Variants in NRG1 observed in about 807,000 individuals in gnomAD.
NRG1 encodes the protein neuregulin 1.
In NRG1, 18 loss-of-function variants were observed where a neutral mutation model predicts 63.8. The observed-to-expected ratio is 0.28, with a 90% CI of 0.19 to 0.42. The LOEUF (loss-of-function observed/expected upper bound fraction) is 0.42, where lower values mean the gene tolerates loss of function less well. Among genes scored for constraint, NRG1 ranks in the 10% least tolerant of loss-of-function variants. The probability of loss-of-function intolerance (pLI) is 1.00; values close to 1 mark genes in which losing one functional copy is unlikely to be tolerated. For missense variants in NRG1, 762 were observed against 814.7 expected, an observed-to-expected ratio of 0.94 and a Z score of 0.79; for synonymous variants, 302 against 301.3, an observed-to-expected ratio of 1.00 and a Z score of -0.02.
At chr8:31,924,374 C>T (rs1486161417) in intron 1 of NRG1, among the ~76,000 whole-genome samples, 1 of 151,750 alleles carries the variant, frequency 6.6e-6, no homozygotes, top group Admixed American at 6.6e-5. Flanking sequence ...ATTGCTTATC[C>T]ATTTTATTCA....
chr8:32,572,644 T>G (rs551346857), intron 1 of NRG1, among the ~76,000 whole-genome samples: 1 of 152,292 alleles, frequency 6.6e-6, no homozygotes, highest in South Asian at 2.1e-4. Context: ...TAGAATATTT[T>G]ATGTTACTAA....
At chr8:32,507,821 C>T (rs1828712211) in intron 1 of NRG1, among the ~76,000 whole-genome samples, 1 of 152,048 alleles carries the variant, frequency 6.6e-6, no homozygotes. Context: ...CCTCAGCCTC[C>T]CAAGTAGCTG....
At chr8:32,695,628 G>A (rs1030148290) in intron 5 of NRG1, among the ~76,000 whole-genome samples, 4 of 152,178 alleles carry the variant, frequency 2.6e-5, no homozygotes, top group East Asian at 1.9e-4. Context: ...TGTTTGACAC[G>A]CAGTGTGAAG....
At chr8:32,145,419 A>G (rs1410292067) in intron 1 of NRG1, among the ~76,000 whole-genome samples, 1 of 152,222 alleles carries the variant, frequency 6.6e-6, no homozygotes, top group African/African-American at 2.4e-5. Flanking sequence ...TATTAGCACA[A>G]TTCTAATTAA....
At chr8:32,344,325 T>TC (rs1360655808) in intron 1 of NRG1, among the ~76,000 whole-genome samples, 4 of 16,210 alleles carry the variant, frequency 2.5e-4, no homozygotes, top group East Asian at 6.0e-3. Flanking sequence ...TCCTTCTTTC[T>TC]CTTTCTTTCT....
At chr8:32,217,536 G>C (rs1282816962) in intron 1 of NRG1, among the ~76,000 whole-genome samples, 1 of 152,044 alleles carries the variant, frequency 6.6e-6, no homozygotes, top group Non-Finnish European at 1.5e-5. Context: ...GAAAAAACTG[G>C]ATATTGCAAT....
chr8:31,948,460 C>A (rs956035049), intron 1 of NRG1, among the ~76,000 whole-genome samples: 1 of 152,150 alleles, frequency 6.6e-6, no homozygotes, highest in South Asian at 2.1e-4. Flanking sequence ...ATTTACAGCA[C>A]CTGCTACAGC....
chr8:32,530,358 C>T (rs1185776744), intron 1 of NRG1, among the ~76,000 whole-genome samples: 6 of 152,088 alleles, frequency 3.9e-5, no homozygotes, highest in Admixed American at 2.0e-4. Context: ...CCGCCCGCCT[C>T]GGCCTCCCAA....
At chr8:32,692,129 A>G (rs1459560911) in intron 5 of NRG1, among the ~76,000 whole-genome samples, 1 of 152,238 alleles carries the variant, frequency 6.6e-6, no homozygotes, top group African/African-American at 2.4e-5. Flanking sequence ...TTTTCCAAAT[A>G]CAATCAGTGA....
At position 31,898,193 on chromosome 8, in the gene NRG1, G is replaced by A. The variant is rs1831756470; in HGVS notation, c.37+258762G>A. The stretch of plus-strand genomic sequence containing the variant: ...ACCAAGTTGTAACCCAACCATGTAA[G>A]GCACATGTTCTTAAGATCTCTTGAG... On this transcript the variant is annotated intron_variant, in intron 1 of 10. Coordinates refer to the NRG1 transcript ENST00000519301. Among the ~76,000 whole-genome samples, 3 of 152,052 alleles carry A rather than the reference G, an allele frequency of 2.0e-5. No homozygotes were observed. The South Asian group carries it at 6.2e-4, about 32-fold the overall frequency.
At chr8:31,955,468 G>A (rs1175036995) in intron 1 of NRG1, among the ~76,000 whole-genome samples, 1 of 152,198 alleles carries the variant, frequency 6.6e-6, no homozygotes, top group Non-Finnish European at 1.5e-5. Flanking sequence ...AAAAGAAAGA[G>A]AGGACTCACA....
intron 1 of NRG1, among the ~76,000 whole-genome samples, chr8:31,731,811 C>T (rs970168223): frequency 1.3e-5 from 2 of 152,100 alleles, no homozygotes; most frequent in African/African-American, 4.8e-5. Context: ...TAGCAAATAG[C>T]ACAATAGTAG....
chr8:32,453,816 C>T (rs1264129517), intron 1 of NRG1, among the ~76,000 whole-genome samples: 5 of 152,158 alleles, frequency 3.3e-5, no homozygotes, highest in Non-Finnish European at 2.9e-5. Flanking sequence ...CCAGCTGCCC[C>T]CTTGCAACCC....
At chr8:31,701,124 A>G (rs1032636272) in intron 1 of NRG1, among the ~76,000 whole-genome samples, 1 of 152,112 alleles carries the variant, frequency 6.6e-6, no homozygotes, top group South Asian at 2.1e-4. Context: ...CTTACATTTT[A>G]TCTTCTCTGT....
Position 32,352,961 on chromosome 8 carries a change from T to TATAGAG in NRG1, c.38-242866_38-242865insTAGAGA, listed in dbSNP as rs371039140. ...ATATGTGTGTGTGTATATATATATA[T>TATAGAG]ACAGAGAGAGAGAGACAGAGAGAGA... On this transcript the variant is annotated intron_variant, in intron 1 of 10. Coordinates refer to the NRG1 transcript ENST00000519301. Among the ~76,000 whole-genome samples, 33 of 148,098 alleles carry TATAGAG rather than the reference T, an allele frequency of 2.2e-4. No homozygotes were observed. The South Asian group carries it at 5.3e-3, about 24-fold the overall frequency.
At chr8:32,223,884 CA>C (rs1392681268) in intron 1 of NRG1, among the ~76,000 whole-genome samples, 4 of 151,960 alleles carry the variant, frequency 2.6e-5, no homozygotes, top group Non-Finnish European at 5.9e-5. Context: ...ACAAGATGCA[CA>C]AAGAGGGAGA....
At chr8:32,267,058 A>G (rs1195441734) in intron 1 of NRG1, among the ~76,000 whole-genome samples, 5 of 150,954 alleles carry the variant, frequency 3.3e-5, no homozygotes, top group Non-Finnish European at 7.4e-5. Context: ...CAAAAAAAGA[A>G]AGAAAGAAAA....
At chr8:32,024,575 A>G (rs557021378) in intron 1 of NRG1, among the ~76,000 whole-genome samples, 2 of 152,322 alleles carry the variant, frequency 1.3e-5, no homozygotes, top group East Asian at 3.9e-4. Context: ...TTAAATAAAA[A>G]TTACCTCAAG....
At chr8:32,675,417 A>G (rs574503263) in intron 5 of NRG1, among the ~76,000 whole-genome samples, 448 of 152,368 alleles carry the variant, frequency 2.9e-3, no homozygotes, top group Non-Finnish European at 5.4e-3. Flanking sequence ...GCTTAGTTCA[A>G]GACTTTGTCA....
Sources: allele counts gnomAD v4.1 joint callset (sites outside exome capture counted in the v4.1 genomes callset), GRCh38; gene constraint gnomAD v4.1.1; transcripts MANE v1.5; gene names NCBI Gene and HGNC (gene_info 2026-07-23, HGNC 2026-07-21).